The following ZNF250 variants were observed in gnomAD, a reference collection of about 807,000 sequenced individuals.
ZNF250 encodes the protein zinc finger protein (clone 647).
A neutral mutation model predicts 37.1 loss-of-function variants in ZNF250; 13 were observed. The observed-to-expected ratio is 0.35, with a 90% confidence interval of 0.23 to 0.56. The LOEUF (loss-of-function observed/expected upper bound fraction) is 0.56, where lower values mean the gene tolerates loss of function less well. ZNF250 is among the 20% of genes least tolerant of loss of function. The pLI is 0.87. For synonymous variants in ZNF250, 251 were observed against 265.6 expected, an observed-to-expected ratio of 0.94 and a Z score of 0.54; for missense variants, 474 against 697.9, an observed-to-expected ratio of 0.68 and a Z score of 3.61.
At chr8:144,898,335 A>G (rs1026171415) in intron 1 of ZNF250, among the ~76,000 whole-genome samples, 1 of 152,082 alleles carries the variant, frequency 6.6e-6, no homozygotes, top group African/African-American at 2.4e-5. Flanking sequence ...ACAAAACAAA[A>G]CAAAACAAAA....
rs61668478 is a variant in ZNF250, at chr8:144,880,066, CAAAAAAAA to C, written c.*1441_*1448del. 7.5e-6 allele frequency: 1 copy of C among 133,610 alleles called. No individual in the cohort carries two copies. The highest frequency in any genetic ancestry group is 7.6e-5 in the Admixed American group (1 of 13,204). The allele number at this position is 133,610 out of a possible 1,614,324, so 8.3% of individuals were successfully genotyped here. On this transcript the variant is annotated 3_prime_UTR_variant, in exon 6 of 6. Transcript: ENST00000417550. ...GGGGAACAAGAGCAAGACTTTGTCT[CAAAAAAAA>C]AAAAAAAAGTATGCTTAAAACAGAA...
chr8:144,883,588 C>A (rs1226902762), intron 5 of ZNF250, among the ~76,000 whole-genome samples: 1 of 152,112 alleles, frequency 6.6e-6, no homozygotes, highest in Non-Finnish European at 1.5e-5. Context: ...GATTCACCCA[C>A]CTCGGCCTCC....
intron 1 of ZNF250, among the ~76,000 whole-genome samples, chr8:144,899,283 T>C (rs1832943565): frequency 6.6e-6 from 1 of 152,082 alleles, no homozygotes; most frequent in African/African-American, 2.4e-5. Context: ...ACTACAAACA[T>C]ACAGTCAGAT....
intron 4 of ZNF250, among the ~76,000 whole-genome samples, chr8:144,888,545 C>T (rs999372982): frequency 2.7e-5 from 4 of 146,158 alleles, no homozygotes; most frequent in African/African-American, 7.6e-5. Context: ...TGCAGTGACC[C>T]GAGACTCATG....
intron 1 of ZNF250, chr8:144,895,250 G>C (rs922108102): frequency 6.6e-6 from 1 of 152,200 alleles, no homozygotes; most frequent in East Asian, 1.9e-4. Context: ...AGAGAAAGAT[G>C]TATGTTGTGT....
Position 144,882,108 on chromosome 8 carries a change from C to T in ZNF250, c.1075G>A (p.Glu359Lys), listed in dbSNP as rs746485043. 6.2e-7 allele frequency: 1 copy of T among 1,614,078 alleles called. No individual in the cohort carries two copies. The highest frequency in any genetic ancestry group is 8.5e-7 in the Non-Finnish European group (1 of 1,180,012). Reference sequence around the variant, plus strand: ...CACTCGCTGCACGTGTAGGGCTTCTCCCCGGTGTGGATCCTCTGGTGCTGC... The same window carrying T: ...CACTCGCTGCACGTGTAGGGCTTCTTCCCGGTGTGGATCCTCTGGTGCTGC... ...LLQHQRIHTG[E>K]KPYTCSECGK... Residue 359 changes from glutamate (E) to lysine (K), a missense_variant, in exon 6 of 6, where the codon GAG (glutamate) becomes AAG (lysine). Physicochemically the swap from Glu to Lys is moderately conservative, Grantham distance 56. Transcript: ENST00000417550. The surrounding 1 kb of genome is among the most constrained non-coding windows in gnomAD (Gnocchi z 5.5).
upstream of ZNF250, chr8:144,901,677 G>C (rs1451174695): frequency 6.6e-6 from 1 of 152,218 alleles, no homozygotes; most frequent in African/African-American, 2.4e-5. The surrounding 1 kb of genome is among the most constrained non-coding windows in gnomAD (Gnocchi z 5.4). Context: ...GAACACCTCT[G>C]GGCAATGGGC....
chr8:144,893,075 C>G (rs1238913871), intron 1 of ZNF250, among the ~76,000 whole-genome samples: 1 of 151,808 alleles, frequency 6.6e-6, no homozygotes, highest in Non-Finnish European at 1.5e-5. Context: ...CTTGGTCAGG[C>G]TGGTCTCGAA....
chr8:144,895,353 G>C (rs1398545232), intron 1 of ZNF250: 2 of 152,130 alleles, frequency 1.3e-5, no homozygotes, highest in Admixed American at 1.3e-4. Context: ...GCCCATGAAG[G>C]GTATGTGTGT....
Position 144,886,601 on chromosome 8 carries a change from G to A in ZNF250, c.346+239C>T, listed in dbSNP as rs186893522. On this transcript the variant is annotated intron_variant, in intron 5 of 5. Coordinates refer to ENST00000417550, the MANE Select transcript of ZNF250 (RefSeq NM_001109689.4). ...TAAAAGGAAACAAAATGATTTCACC[G>A]AAATAAATGTTTAATTATAAAAACC... is the stretch of plus-strand genomic sequence containing the variant. 4.5e-3 allele frequency among the ~76,000 whole-genome samples: 678 copies of A among 152,232 alleles called. 4 individuals are homozygous for A. The highest frequency in any genetic ancestry group is 0.015 in the African/African-American group (626 of 41,558).
In ZNF250 at chr8:144,890,199, G is replaced by C. The variant is rs984116423; in HGVS notation, c.42+109C>G. The C allele has an allele frequency of 1.3e-6, 2 of 1,496,490 alleles. No homozygotes were observed. Among genetic ancestry groups the C allele is most frequent in the African/African-American group, 1.4e-5 (1 of 72,104 alleles). The allele number at this position is 1,496,490 out of a possible 1,614,324, so 92.7% of individuals were successfully genotyped here. Reference sequence around the variant, plus strand: ...GTGGGTGATGGGAAGGGGCCGCGGAGTTCAGGGCATGTGGTGACGCTCTGG... The same window carrying C: ...GTGGGTGATGGGAAGGGGCCGCGGACTTCAGGGCATGTGGTGACGCTCTGG... On this transcript the variant is annotated intron_variant, in intron 2 of 5. Transcript: ENST00000417550. This position sits in a 1 kb window ranked among gnomAD's most constrained non-coding sequence, Gnocchi z 5.1.
chr8:144,897,196 A>G lies in ZNF250; in HGVS notation c.-55+4203T>C, dbSNP rs1047153489. ...CACATTTGGAGTCTCCTGATCTGGGATGAGCTTCCAGGATCTCCTCCAGGG... is the reference window on the plus strand; with the variant it reads ...CACATTTGGAGTCTCCTGATCTGGGGTGAGCTTCCAGGATCTCCTCCAGGG... On this transcript the variant is annotated intron_variant, in intron 1 of 5. Coordinates refer to ENST00000417550, the MANE Select transcript of ZNF250 (RefSeq NM_001109689.4). The surrounding 1 kb of genome is among the most constrained non-coding windows in gnomAD (Gnocchi z 5.2). Among the ~76,000 whole-genome samples the G allele has an allele frequency of 5.9e-5, 9 of 152,060 alleles. No individual in the cohort carries two copies. The highest frequency in any genetic ancestry group is 2.2e-4 in the African/African-American group (9 of 41,394).
At chr8:144,894,474 G>C (rs1238109076) in intron 1 of ZNF250, among the ~76,000 whole-genome samples, 1 of 151,904 alleles carries the variant, frequency 6.6e-6, no homozygotes, top group Admixed American at 6.6e-5. Context: ...CCAACTCTTA[G>C]AGACCTCTGC....
Position 144,882,915 on chromosome 8 carries a change from C to T in ZNF250, c.347-79G>A. 1 of 1,516,202 alleles carries T rather than the reference C, an allele frequency of 6.6e-7. No individual in the cohort carries two copies. Among genetic ancestry groups the T allele is most frequent in the Non-Finnish European group, 8.9e-7 (1 of 1,128,462 alleles). The allele number at this position is 1,516,202 out of a possible 1,614,324, so 93.9% of individuals were successfully genotyped here. On this transcript the variant is annotated intron_variant, in intron 5 of 5. Coordinates refer to ENST00000417550, the MANE Select transcript of ZNF250 (RefSeq NM_001109689.4). This position sits in a 1 kb window ranked among gnomAD's most constrained non-coding sequence, Gnocchi z 5.5. ...TAGTGCAACCCTGAAACTGGCCTTGCTGATGAAGGTGCAAAATCCCTCAAT... is the reference window on the plus strand; with the variant it reads ...TAGTGCAACCCTGAAACTGGCCTTGTTGATGAAGGTGCAAAATCCCTCAAT...
Position 144,882,349 on chromosome 8 carries a change from G to A in ZNF250, c.834C>T (p.His278=), listed in dbSNP as rs754083666. 5.6e-6 allele frequency: 9 copies of A among 1,613,764 alleles called. No homozygotes were observed. The highest frequency in any genetic ancestry group is 3.3e-5 in the South Asian group (3 of 91,068). Residue 278 remains histidine (H), a synonymous_variant, in exon 6 of 6, where the codon CAC becomes CAT. Coordinates refer to ENST00000417550, the MANE Select transcript of ZNF250 (RefSeq NM_001109689.4). This position sits in a 1 kb window ranked among gnomAD's most constrained non-coding sequence, Gnocchi z 5.5. ...HHKIHTGEKP[H]ECLECRKAFT... ...AGGCTTTCCGACACTCAAGACATTC[G>A]TGAGGCTTCTCTCCTGTATGTATCT...
rs1227540118 is a variant in ZNF250, at chr8:144,882,259, A to G, written c.924T>C (p.Cys308=). Residue 308 remains cysteine (C), a synonymous_variant, in exon 6 of 6, where the codon TGT becomes TGC. Transcript: ENST00000417550. This position sits in a 1 kb window ranked among gnomAD's most constrained non-coding sequence, Gnocchi z 5.5. ...GGTTGAAGGCTTTCCCACACAACGGACACACATATGGCCTTTCTCCCGTGT... is the reference window on the plus strand; with the variant it reads ...GGTTGAAGGCTTTCCCACACAACGGGCACACATATGGCCTTTCTCCCGTGT... ...RIHTGERPYV[C]PLCGKAFNHS... The G allele has an allele frequency of 1.9e-6, 3 of 1,613,562 alleles. No individual in the cohort carries two copies. Among genetic ancestry groups the G allele is most frequent in the Non-Finnish European group, 1.7e-6 (2 of 1,179,866 alleles).
In ZNF250 at chr8:144,877,156, A is replaced by G. The variant is rs1452133266; in HGVS notation, c.*4359T>C. On this transcript the variant is annotated 3_prime_UTR_variant, in exon 6 of 6. Coordinates refer to ENST00000417550, the MANE Select transcript of ZNF250 (RefSeq NM_001109689.4). ...CTCTCTGTTGTCCAGGCTAGATAGT[A>G]TGATCACAGCACACTAGTCTTGAAC... The G allele has an allele frequency of 3.3e-5, 5 of 152,242 alleles. No homozygotes were observed. The highest frequency in any genetic ancestry group is 6.5e-5 in the Admixed American group (1 of 15,286). 9.4% of individuals were successfully genotyped at this position (152,242 alleles called of 1,614,324 possible). A position where few individuals can be genotyped will look rare whatever the true frequency, so the allele number is the denominator to read the frequency against.
At position 144,881,202 on chromosome 8, in the gene ZNF250, C is replaced by A; in HGVS notation, c.*313G>T. Reference sequence around the variant, plus strand: ...GTAAGATTTTATTGGGATAATGGTTCTTATGCCTTAAATTCCCTTAGTTCA... The same window carrying A: ...GTAAGATTTTATTGGGATAATGGTTATTATGCCTTAAATTCCCTTAGTTCA... On this transcript the variant is annotated 3_prime_UTR_variant, in exon 6 of 6. Coordinates refer to ENST00000417550, the MANE Select transcript of ZNF250 (RefSeq NM_001109689.4). The A allele has an allele frequency of 4.2e-6, 1 of 238,672 alleles. No individual in the cohort carries two copies. The highest frequency in any genetic ancestry group is 4.9e-5 in the Admixed American group (1 of 20,254). 14.8% of individuals were successfully genotyped at this position (238,672 alleles called of 1,614,324 possible).
intron 1 of ZNF250, among the ~76,000 whole-genome samples, chr8:144,899,478 C>A (rs1832963682): frequency 6.6e-6 from 1 of 152,020 alleles, no homozygotes; most frequent in South Asian, 2.1e-4. Context: ...ATCCTTGTAT[C>A]AAAATATCAC....
Sources: allele counts gnomAD v4.1 joint callset (sites outside exome capture counted in the v4.1 genomes callset), GRCh38; gene constraint gnomAD v4.1.1; non-coding constraint Gnocchi (gnomAD v3.1); transcripts MANE v1.5; gene names NCBI Gene and HGNC (gene_info 2026-07-23, HGNC 2026-07-21).